AOPEP: variants seen among roughly 807,000 people sequenced by gnomAD.
The protein encoded by AOPEP is aminopeptidase O (putative), also known as aminopeptidase O.
In AOPEP, 77 loss-of-function variants were observed where a neutral mutation model predicts 98.1. The ratio of observed to expected loss-of-function variants is 0.78; its 90% CI spans 0.65 to 0.95. AOPEP has a LOEUF of 0.95. Ranked by LOEUF, AOPEP falls within the 40% of genes least tolerant of loss-of-function variation. AOPEP has a pLI of 0.00. For missense variants in AOPEP, 1,024 were observed against 1,024.7 expected, an observed-to-expected ratio of 1.00 and a Z score of 0.01; for synonymous variants, 346 against 365.3, an observed-to-expected ratio of 0.95 and a Z score of 0.60.
intron 14 of AOPEP, among the ~76,000 whole-genome samples, chr9:95,061,546 G>T (rs763286969): frequency 2.6e-5 from 4 of 152,218 alleles, no homozygotes; most frequent in Non-Finnish European, 5.9e-5. Context: ...GCTATTTTGA[G>T]TTGAGATGTG....
intron 7 of AOPEP, among the ~76,000 whole-genome samples, chr9:94,940,074 C>T (rs751183700): frequency 6.6e-6 from 1 of 152,320 alleles, no homozygotes; most frequent in Admixed American, 6.5e-5. Flanking sequence ...ACTTCTGGTT[C>T]CAAATATTTT....
chr9:94,986,668 T>C (rs2060541042), intron 11 of AOPEP, among the ~76,000 whole-genome samples: 1 of 152,142 alleles, frequency 6.6e-6, no homozygotes, highest in Non-Finnish European at 1.5e-5. Flanking sequence ...CAGAAAGTGG[T>C]AATAGCTGAA....
At chr9:94,774,337 C>T (rs1841604278) in intron 3 of AOPEP, among the ~76,000 whole-genome samples, 1 of 144,784 alleles carries the variant, frequency 6.9e-6, no homozygotes, top group Non-Finnish European at 1.5e-5. Flanking sequence ...AAAAAAAGGG[C>T]ATCTCCTTCC....
chr9:94,997,405 T>C (rs2061310247), intron 11 of AOPEP, among the ~76,000 whole-genome samples: 1 of 152,216 alleles, frequency 6.6e-6, no homozygotes, highest in African/African-American at 2.4e-5. Context: ...CTTTGAAATT[T>C]AGATGTCTCC....
At chr9:95,107,403 C>G in the AOPEP span, 1 of 962,536 alleles carries the variant, frequency 1.0e-6, no homozygotes, top group African/African-American at 1.6e-5. Flanking sequence ...AGCTAGGCAG[C>G]GGCCGAATTT....
intron 4 of AOPEP, among the ~76,000 whole-genome samples, chr9:94,800,194 T>C (rs999135340): frequency 6.6e-6 from 1 of 152,256 alleles, no homozygotes; most frequent in African/African-American, 2.4e-5. Flanking sequence ...ATGGGCTGTG[T>C]AAAGAACATT....
intron 14 of AOPEP, among the ~76,000 whole-genome samples, chr9:95,077,737 T>A (rs2069234347): frequency 1.3e-5 from 2 of 152,236 alleles, no homozygotes. Context: ...TGGAGACAGA[T>A]ATTCTGTCAG....
intron 9 of AOPEP, among the ~76,000 whole-genome samples, chr9:94,961,052 T>C (rs1001023716): frequency 2.0e-5 from 3 of 152,014 alleles, no homozygotes; most frequent in Non-Finnish European, 2.9e-5. Flanking sequence ...GTTTTCTTTA[T>C]ATTTGAATTA....
chr9:94,933,276 C>T (rs752731604), intron 7 of AOPEP: 1 of 985,534 alleles, frequency 1.0e-6, no homozygotes, highest in Non-Finnish European at 1.2e-6. Context: ...TGGATTCCGG[C>T]AGCTTCTGCC....
chr9:95,086,672 T>A lies in AOPEP; in HGVS notation c.*5-10T>A, dbSNP rs2134339519. On this transcript the variant is annotated splice_polypyrimidine_tract_variant and intron_variant, in intron 16 of 16. Coordinates refer to ENST00000375315, the MANE Select transcript of AOPEP (RefSeq NM_001193329.3). Reference sequence around the variant, plus strand: ...CTGGGTAATCAATGTTACTGCTGTTTCCTTTGCAGGAAAGACCACAGCAAG... The same window carrying A: ...CTGGGTAATCAATGTTACTGCTGTTACCTTTGCAGGAAAGACCACAGCAAG... The A allele has an allele frequency of 1.0e-6, 1 of 988,180 alleles. No homozygotes were observed. The highest frequency in any genetic ancestry group is 1.2e-6 in the Non-Finnish European group (1 of 830,812). The allele number at this position is 988,180 out of a possible 1,614,324, so 61.2% of individuals were successfully genotyped here. A position where few individuals can be genotyped will look rare whatever the true frequency, so the allele number is the denominator to read the frequency against.
At chr9:95,007,026 C>T (rs544428342) in intron 13 of AOPEP, among the ~76,000 whole-genome samples, 1 of 151,570 alleles carries the variant, frequency 6.6e-6, no homozygotes, top group Non-Finnish European at 1.5e-5. Flanking sequence ...CTCAGCCTCC[C>T]GAATAGCTGG....
At position 94,921,625 on chromosome 9, in the gene AOPEP, A is replaced by G. The variant is rs556036508; in HGVS notation, c.1365-2361A>G. On this transcript the variant is annotated intron_variant, in intron 5 of 16. Transcript: ENST00000375315. ...GGATTTTGTTAACAGCCTTTGAGAA[A>G]GGTTATCAAAACCTTACTCCATGTT... Among the ~76,000 whole-genome samples the G allele has an allele frequency of 3.3e-5, 5 of 152,282 alleles. No individual in the cohort carries two copies. In the South Asian group the frequency reaches 1.0e-3, roughly 32 times the overall value.
At chr9:94,737,775 C>T (rs937541209) in intron 1 of AOPEP, among the ~76,000 whole-genome samples, 1 of 152,150 alleles carries the variant, frequency 6.6e-6, no homozygotes, top group African/African-American at 2.4e-5. Flanking sequence ...AGGGAGAAGT[C>T]TCTGGTTGTG....
the AOPEP span, chr9:95,099,592 C>T: frequency 1.7e-5 from 4 of 231,000 alleles, no homozygotes; most frequent in Non-Finnish European, 3.4e-5. Flanking sequence ...GGGTGGCTCC[C>T]CCAGCTCCCC....
chr9:95,101,515 C>T, the AOPEP span: 1 of 690,286 alleles, frequency 1.4e-6, no homozygotes, highest in Middle Eastern at 4.0e-4. Flanking sequence ...CTGACTGAGT[C>T]TGGGCTGAGG....
chr9:94,785,681 T>C (rs356140), intron 3 of AOPEP, among the ~76,000 whole-genome samples: 34,345 of 152,112 alleles, frequency 0.23, 5,621 homozygotes, highest in African/African-American at 0.46. Flanking sequence ...CATCCAGTGG[T>C]GTGAGGGGTT....
chr9:95,052,418 G>T (rs1209833874), intron 13 of AOPEP, among the ~76,000 whole-genome samples: 1 of 152,136 alleles, frequency 6.6e-6, no homozygotes, highest in Non-Finnish European at 1.5e-5. Flanking sequence ...AAATTCTGAA[G>T]ATAGGTATTT....
chr9:94,877,058 TTATC>T (rs774634521), intron 5 of AOPEP, among the ~76,000 whole-genome samples: 1 of 152,150 alleles, frequency 6.6e-6, no homozygotes, highest in Non-Finnish European at 1.5e-5. Context: ...TGAAAATAGT[TTATC>T]TATTTTAAGG....
intron 3 of AOPEP, among the ~76,000 whole-genome samples, chr9:94,776,768 G>C (rs1842198105): frequency 6.6e-6 from 1 of 151,878 alleles, no homozygotes. Context: ...TTGGGATTTG[G>C]GACTCACATT....
Sources: gnomAD v4.1 joint callset for allele counts (sites outside exome capture counted in the v4.1 genomes callset) on GRCh38, gnomAD v4.1.1 for gene constraint, MANE v1.5 for transcripts, NCBI Gene and HGNC (gene_info 2026-07-23, HGNC 2026-07-21) for gene names.